The following NIPBL variants were observed in gnomAD, a reference collection of about 807,000 sequenced individuals.
NIPBL encodes nipped-B-like protein.
NIPBL carries 19 observed loss-of-function variants against 321.8 expected under a neutral mutation model. The ratio of observed to expected loss-of-function variants is 0.06; its 90% CI spans 0.04 to 0.09. The LOEUF (loss-of-function observed/expected upper bound fraction) is 0.09, where lower values mean the gene tolerates loss of function less well. NIPBL is among the 10% of genes least tolerant of loss of function. The pLI is 1.00. For missense variants in NIPBL, 2,210 were observed against 3,327.0 expected (o/e 0.66, Z 8.26); for synonymous variants, 1,106 against 1,114.1 (o/e 0.99, Z 0.14).
chr5:36,918,667 T>C (rs1214012845), intron 1 of NIPBL, among the ~76,000 whole-genome samples: 1 of 152,192 alleles, frequency 6.6e-6, no homozygotes, highest in African/African-American at 2.4e-5. Context: ...GGGTTTGTCA[T>C]AGATAGCTCT....
intron 46 of NIPBL, 188 bp downstream of exon 46, chr5:37,064,166 CAATA>C: frequency 7.1e-7 from 1 of 1,415,794 alleles, no homozygotes; most frequent in Non-Finnish European, 9.2e-7. Flanking sequence ...ACATAAAAGA[CAATA>C]AAAAAACAGA....
chr5:36,892,129 C>T (rs1288339710), intron 1 of NIPBL, among the ~76,000 whole-genome samples: 1 of 152,164 alleles, frequency 6.6e-6, no homozygotes, highest in Non-Finnish European at 1.5e-5. Flanking sequence ...ACTTTTACAG[C>T]TGACCTAGAA....
intron 8 of NIPBL, among the ~76,000 whole-genome samples, chr5:36,973,277 C>CT (rs948971230): frequency 6.7e-6 from 1 of 150,082 alleles, no homozygotes; most frequent in African/African-American, 2.5e-5. Flanking sequence ...TGGTAAAGAT[C>CT]TTTTTTTCAC....
Position 37,045,607 on chromosome 5 carries a change from G to A in NIPBL, c.6498+10G>A. The A allele has an allele frequency of 1.2e-6, 2 of 1,612,928 alleles. No individual in the cohort carries two copies. Among genetic ancestry groups the A allele is most frequent in the Non-Finnish European group, 1.7e-6 (2 of 1,178,956 alleles). On this transcript the variant is annotated intron_variant, in intron 37 of 46. Transcript: ENST00000282516. ...TAAAGGCAACAGCAAGGTAAAGGTAGTAATACTTAAAATGCTATAAAACAT... is the reference window on the plus strand; with the variant it reads ...TAAAGGCAACAGCAAGGTAAAGGTAATAATACTTAAAATGCTATAAAACAT...
chr5:36,906,387 A>G (rs1747639505), intron 1 of NIPBL, among the ~76,000 whole-genome samples: 1 of 152,190 alleles, frequency 6.6e-6, no homozygotes, highest in African/African-American at 2.4e-5. Context: ...ACAAGAATGT[A>G]TTTTGTGTTA....
chr5:37,034,037 C>G (rs1162119976), intron 32 of NIPBL, among the ~76,000 whole-genome samples: 1 of 151,908 alleles, frequency 6.6e-6, no homozygotes, highest in Non-Finnish European at 1.5e-5. Flanking sequence ...AAGAACTTCT[C>G]TCCTACAAAA....
At chr5:36,995,957 T>C (rs1475879551) in intron 11 of NIPBL, among the ~76,000 whole-genome samples, 153 bp downstream of exon 11, 1 of 152,084 alleles carries the variant, frequency 6.6e-6, no homozygotes, top group Non-Finnish European at 1.5e-5. Flanking sequence ...ACTTTAAAAA[T>C]GCGTGAAAGA....
intron 4 of NIPBL, 36 bp downstream of exon 4, chr5:36,958,267 T>C (rs754665471): frequency 6.2e-7 from 1 of 1,604,138 alleles, no homozygotes; most frequent in Non-Finnish European, 8.5e-7. Flanking sequence ...CATATCAAAC[T>C]TGTTTTATAC....
chr5:37,062,721 G>A (rs1433199936), intron 45 of NIPBL, among the ~76,000 whole-genome samples: 1 of 152,100 alleles, frequency 6.6e-6, no homozygotes, highest in East Asian at 1.9e-4. Flanking sequence ...GGAAGTCCAG[G>A]CCAGCCTGAG....
At position 36,952,070 on chromosome 5, in the gene NIPBL, G is replaced by A. The variant is rs1236582790; in HGVS notation, c.-79-1548G>A. On this transcript the variant is annotated intron_variant, in intron 1 of 46. Coordinates refer to ENST00000282516, the MANE Select transcript of NIPBL (RefSeq NM_133433.4). The stretch of plus-strand genomic sequence containing the variant: ...TGTGTGTGTGCGCGCGCGCGCGCGC[G>A]CGCATGTGTGTGTGTAGCAGTTTAA... 3.6e-5 allele frequency among the ~76,000 whole-genome samples: 5 copies of A among 139,226 alleles called. 1 individual carries two copies. The highest frequency in any genetic ancestry group is 5.2e-5 in the African/African-American group (2 of 38,640). 91.3% of individuals were successfully genotyped at this position (139,226 alleles called of 152,430 possible). A position where few individuals can be genotyped will look rare whatever the true frequency, so the allele number is the denominator to read the frequency against.
intron 1 of NIPBL, among the ~76,000 whole-genome samples, chr5:36,917,795 T>G (rs533526267): frequency 1.3e-5 from 2 of 152,292 alleles, no homozygotes; most frequent in East Asian, 1.9e-4. Context: ...TTTCCCCATT[T>G]CTTGTTTTTG....
At chr5:36,937,310 T>C (rs1738540528) in intron 1 of NIPBL, among the ~76,000 whole-genome samples, 2 of 152,214 alleles carry the variant, frequency 1.3e-5, no homozygotes, top group South Asian at 2.1e-4. Flanking sequence ...GTACTTCTGC[T>C]CTTAATGACC....
chr5:36,999,913 T>C (rs1223710124), intron 11 of NIPBL, among the ~76,000 whole-genome samples: 1 of 152,194 alleles, frequency 6.6e-6, no homozygotes, highest in African/African-American at 2.4e-5. Flanking sequence ...TGGTTACCCA[T>C]ATTCTGTAAC....
At chr5:36,897,936 A>T (rs1241567793) in intron 1 of NIPBL, among the ~76,000 whole-genome samples, 1 of 151,730 alleles carries the variant, frequency 6.6e-6, no homozygotes, top group Non-Finnish European at 1.5e-5. Flanking sequence ...AGGAAGTAAG[A>T]TTAATAATTT....
At chr5:36,997,604 C>G (rs1746283558) in intron 11 of NIPBL, among the ~76,000 whole-genome samples, 1 of 152,168 alleles carries the variant, frequency 6.6e-6, no homozygotes, top group African/African-American at 2.4e-5. Flanking sequence ...AGAACCTAAG[C>G]TTCACACACT....
chr5:36,928,061 T>C (rs1301212423), intron 1 of NIPBL, among the ~76,000 whole-genome samples: 1 of 152,136 alleles, frequency 6.6e-6, no homozygotes, highest in Non-Finnish European at 1.5e-5. Context: ...AGCAGGAAAG[T>C]CAGGAGACTG....
At chr5:36,911,016 A>G (rs191597431) in intron 1 of NIPBL, among the ~76,000 whole-genome samples, 5 of 152,180 alleles carry the variant, frequency 3.3e-5, no homozygotes, top group African/African-American at 1.2e-4. Context: ...GAAATCCCTC[A>G]GTTGAATTAA....
At chr5:36,900,116 A>C (rs1298307744) in intron 1 of NIPBL, among the ~76,000 whole-genome samples, 2 of 152,132 alleles carry the variant, frequency 1.3e-5, no homozygotes, top group Admixed American at 1.3e-4. Flanking sequence ...TCTTCACTAC[A>C]GTTCTTGAGG....
chr5:37,003,219 C>A, intron 15 of NIPBL, 42 bp from the exon 16 acceptor site: 1 of 1,153,430 alleles, frequency 8.7e-7, no homozygotes, highest in Non-Finnish European at 1.3e-6. Context: ...TAATATATAA[C>A]TTTTACCAAC....
Sources: allele counts gnomAD v4.1 joint callset (sites outside exome capture counted in the v4.1 genomes callset), GRCh38; gene constraint gnomAD v4.1.1; transcripts MANE v1.5; gene names NCBI Gene and HGNC (gene_info 2026-07-23, HGNC 2026-07-21).